CCDC91: variants seen among roughly 807,000 people sequenced by gnomAD.
CCDC91 encodes coiled-coil domain-containing protein 91.
CCDC91 carries 48 observed loss-of-function variants against 63.2 expected under a neutral mutation model. That is an observed-to-expected ratio of 0.76 (90% CI 0.60 to 0.97). The LOEUF (loss-of-function observed/expected upper bound fraction) is 0.97. CCDC91 is among the 50% of genes least tolerant of loss of function. The probability of loss-of-function intolerance (pLI) is 0.00; values close to 1 mark genes in which losing one functional copy is unlikely to be tolerated. For missense variants in CCDC91, 500 were observed against 494.6 expected (o/e 1.01, Z -0.10); for synonymous variants, 167 against 165.8 (o/e 1.01, Z -0.06).
intron 6 of CCDC91, among the ~76,000 whole-genome samples, chr12:28,335,368 TA>T (rs1175350012): frequency 3.0e-5 from 4 of 131,970 alleles, no homozygotes; most frequent in African/African-American, 1.1e-4. Context: ...TATTCACATA[TA>T]AAATATATAT....
At chr12:28,373,908 G>A (rs182278661) in intron 7 of CCDC91, among the ~76,000 whole-genome samples, 110 of 152,132 alleles carry the variant, frequency 7.2e-4, no homozygotes, top group Non-Finnish European at 1.2e-3. Context: ...GGACTTCTCC[G>A]TCCCGCCACC....
rs150232446 is a variant in CCDC91, at chr12:28,310,925, G to T, written c.576+3176G>T. ...TGTCATCTCAGTGTTACTATTGATA[G>T]TATTTTCTTACCCAAGTTGAGATTT... is the stretch of plus-strand genomic sequence containing the variant. On this transcript the variant is annotated intron_variant, in intron 6 of 12. Transcript: ENST00000536442. Among the ~76,000 whole-genome samples the T allele has an allele frequency of 6.8e-4, 103 of 152,030 alleles. No individual in the cohort carries two copies. In the East Asian group the frequency reaches 0.018, roughly 27 times the overall value.
chr12:28,503,270 C>T (rs1459150057), intron 12 of CCDC91, among the ~76,000 whole-genome samples: 4 of 152,098 alleles, frequency 2.6e-5, no homozygotes, highest in South Asian at 2.1e-4. Context: ...AAAAAGTGGG[C>T]GAAGGACATG....
chr12:28,538,875 T>A (rs956816623), intron 12 of CCDC91, among the ~76,000 whole-genome samples: 9 of 152,242 alleles, frequency 5.9e-5, no homozygotes, highest in Non-Finnish European at 8.8e-5. Flanking sequence ...GAGCATATTT[T>A]CATGTGTCTT....
intron 8 of CCDC91, among the ~76,000 whole-genome samples, chr12:28,408,953 A>G (rs1284771378): frequency 1.3e-5 from 2 of 152,080 alleles, no homozygotes; most frequent in Admixed American, 6.6e-5. Flanking sequence ...TTAATCTTAT[A>G]TTCTGTAATT....
intron 1 of CCDC91, among the ~76,000 whole-genome samples, chr12:28,200,896 G>GA (rs1942196008): frequency 6.6e-6 from 1 of 151,282 alleles, no homozygotes; most frequent in South Asian, 2.1e-4. Context: ...GGCTGGCCGG[G>GA]CGGGGGGCTG....
chr12:28,436,623 T>C (rs1021949853), intron 8 of CCDC91, among the ~76,000 whole-genome samples: 3 of 151,938 alleles, frequency 2.0e-5, no homozygotes, highest in Non-Finnish European at 4.4e-5. Flanking sequence ...TCATTTTCCT[T>C]GTCTCTGAAG....
At chr12:28,202,166 T>C (rs1942504502) in intron 1 of CCDC91, among the ~76,000 whole-genome samples, 1 of 152,244 alleles carries the variant, frequency 6.6e-6, no homozygotes, top group African/African-American at 2.4e-5. Context: ...GTTATCATAC[T>C]TCATATATGG....
intron 8 of CCDC91, among the ~76,000 whole-genome samples, chr12:28,399,065 A>G (rs1457723221): frequency 6.6e-6 from 1 of 152,200 alleles, no homozygotes; most frequent in Non-Finnish European, 1.5e-5. Flanking sequence ...TGGGTAATTT[A>G]TAAAGAAAAG....
At chr12:28,328,181 T>A (rs1386178365) in intron 6 of CCDC91, among the ~76,000 whole-genome samples, 1 of 152,188 alleles carries the variant, frequency 6.6e-6, no homozygotes, top group Non-Finnish European at 1.5e-5. Flanking sequence ...TACATTATTA[T>A]CTAGAGAAAG....
In CCDC91 at chr12:28,346,577, T is replaced by A. The variant is rs117642855; in HGVS notation, c.577-15861T>A. On this transcript the variant is annotated intron_variant, in intron 6 of 12. Coordinates refer to ENST00000536442, the MANE Select transcript of CCDC91 (RefSeq NM_018318.5). ...TTATTGAATTCGTTTTTTGCTTTTT[T>A]ATTTTTTTATATTTACCAGTTTATT... is the stretch of plus-strand genomic sequence containing the variant. Among the ~76,000 whole-genome samples the A allele has an allele frequency of 2.0e-3, 310 of 152,362 alleles. 11 individuals are homozygous for A. In the East Asian group the frequency reaches 0.054, roughly 26 times the overall value.
chr12:28,452,930 T>C (rs1949883043), intron 11 of CCDC91, among the ~76,000 whole-genome samples: 1 of 151,924 alleles, frequency 6.6e-6, no homozygotes, highest in Non-Finnish European at 1.5e-5. Context: ...TGTTTAGTCA[T>C]TGCAAATATA....
chr12:28,358,158 A>G (rs1311839914), intron 6 of CCDC91, among the ~76,000 whole-genome samples: 2 of 152,160 alleles, frequency 1.3e-5, no homozygotes, highest in African/African-American at 2.4e-5. Context: ...CATCTCCCTC[A>G]TTTAACAGAT....
At chr12:28,505,417 C>T (rs6487685) in intron 12 of CCDC91, 58,008 of 151,564 alleles carry the variant, frequency 0.38, 11,478 homozygotes, top group Middle Eastern at 0.48. Flanking sequence ...CCACCCTGAA[C>T]GCTCCCGATC....
At chr12:28,454,729 A>G (rs1462296093) in intron 11 of CCDC91, among the ~76,000 whole-genome samples, 1 of 152,058 alleles carries the variant, frequency 6.6e-6, no homozygotes, top group Non-Finnish European at 1.5e-5. Flanking sequence ...TGGACATGTA[A>G]TCCAACTTTC....
chr12:28,359,358 C>T (rs180760336), intron 6 of CCDC91, among the ~76,000 whole-genome samples: 4 of 152,186 alleles, frequency 2.6e-5, no homozygotes, highest in East Asian at 1.9e-4. Flanking sequence ...ATAATATATT[C>T]GTCTTTAGTT....
At chr12:28,254,409 G>A (rs1373519460) in intron 1 of CCDC91, among the ~76,000 whole-genome samples, 2 of 152,144 alleles carry the variant, frequency 1.3e-5, no homozygotes, top group Non-Finnish European at 2.9e-5. Context: ...GGGCTATAAT[G>A]TTAAATGCTA....
intron 6 of CCDC91, among the ~76,000 whole-genome samples, chr12:28,312,592 G>A (rs1939435118): frequency 6.6e-6 from 1 of 152,058 alleles, no homozygotes; most frequent in Non-Finnish European, 1.5e-5. Context: ...GCTACTGTAT[G>A]TTAAATATGT....
chr12:28,332,216 T>TA (rs902143544), intron 6 of CCDC91, among the ~76,000 whole-genome samples: 16 of 152,230 alleles, frequency 1.1e-4, no homozygotes, highest in African/African-American at 3.6e-4. Flanking sequence ...ATCTGGGACT[T>TA]ATTGCTTCAG....
Sources: allele counts gnomAD v4.1 joint callset (sites outside exome capture counted in the v4.1 genomes callset), GRCh38; gene constraint gnomAD v4.1.1; transcripts MANE v1.5; gene names NCBI Gene and HGNC (gene_info 2026-07-23, HGNC 2026-07-21).